The following ARL6IP6 variants were observed in gnomAD, a reference collection of about 807,000 sequenced individuals.
ARL6IP6 encodes the protein ADP-ribosylation factor-like protein 6-interacting protein 6.
Under a neutral mutation model 21.5 loss-of-function variants are expected in ARL6IP6, and 22 were observed. The observed-to-expected ratio is 1.02, with a 90% confidence interval of 0.73 to 1.46. The LOEUF is 1.46. Ranked by LOEUF, ARL6IP6 falls within the 40% of genes most tolerant of loss-of-function variation. ARL6IP6 has a pLI of 0.00. For missense variants in ARL6IP6, 388 were observed against 299.8 expected (o/e 1.29, Z -2.17); for synonymous variants, 164 against 125.3 (o/e 1.31, Z -2.06).
chr2:152,759,457 T>C (rs1701732003), intron 3 of ARL6IP6, among the ~76,000 whole-genome samples: 1 of 152,116 alleles, frequency 6.6e-6, no homozygotes, highest in Non-Finnish European at 1.5e-5. Flanking sequence ...CTACACACAG[T>C]GACAATGAAA....
intron 3 of ARL6IP6, among the ~76,000 whole-genome samples, chr2:152,757,143 G>T (rs981947215): frequency 6.6e-6 from 1 of 152,176 alleles, no homozygotes; most frequent in South Asian, 2.1e-4. Flanking sequence ...AATATTTATT[G>T]TATGATGCCA....
rs747930229 is a variant in ARL6IP6, at chr2:152,759,842, C to T, written c.*2C>T. The T allele has an allele frequency of 1.2e-6, 2 of 1,609,834 alleles. No homozygotes were observed. The highest frequency in any genetic ancestry group is 1.7e-5 in the Admixed American group (1 of 59,968). On this transcript the variant is annotated 3_prime_UTR_variant, in exon 4 of 4. Coordinates refer to ENST00000326446, the MANE Select transcript of ARL6IP6 (RefSeq NM_152522.7). ...ACTGTAGCATGGTGCCTCATGTAAA[C>T]CCACACTGGAGCGATATTGTTGGCA... is the stretch of plus-strand genomic sequence containing the variant.
At chr2:152,717,761 C>T (rs1699205049), upstream of ARL6IP6, 2 of 1,270,280 alleles carry the variant, frequency 1.6e-6, no homozygotes, top group Non-Finnish European at 2.0e-6. Context: ...CGCCTCACCC[C>T]GTAGGGGGTG....
intron 1 of ARL6IP6, 106 bp from the exon 2 acceptor site, chr2:152,720,427 T>C (rs1425700689): frequency 9.3e-7 from 1 of 1,079,802 alleles, no homozygotes; most frequent in East Asian, 2.4e-5. Context: ...CAGTTCTTTG[T>C]GACTCCAGAG....
intron 3 of ARL6IP6, among the ~76,000 whole-genome samples, chr2:152,755,345 C>T (rs1701533147): frequency 1.3e-5 from 2 of 152,076 alleles, no homozygotes; most frequent in Non-Finnish European, 2.9e-5. Context: ...CTGTACTCCT[C>T]CACCTCTTGT....
At chr2:152,754,763 TAGTG>T (rs1701500319) in intron 3 of ARL6IP6, among the ~76,000 whole-genome samples, 1 of 152,142 alleles carries the variant, frequency 6.6e-6, no homozygotes, top group East Asian at 1.9e-4. Context: ...ACCATCCAAG[TAGTG>T]AGTAAGATGT....
chr2:152,752,036 G>A (rs986081773), intron 3 of ARL6IP6, among the ~76,000 whole-genome samples: 1 of 152,114 alleles, frequency 6.6e-6, no homozygotes, highest in Admixed American at 6.6e-5. Context: ...TAGTCATTTT[G>A]CTTTATTGAT....
upstream of ARL6IP6, chr2:152,718,017 A>G (rs1353579940): frequency 1.0e-6 from 1 of 994,180 alleles, no homozygotes; most frequent in Non-Finnish European, 1.2e-6. Context: ...GCGCCTGGGG[A>G]AGGAGGCGTG....
At position 152,760,441 on chromosome 2, in the gene ARL6IP6, G is replaced by C. The variant is rs917151039; in HGVS notation, c.*601G>C. 3 of 151,200 alleles carry C rather than the reference G, an allele frequency of 2.0e-5. No homozygotes were observed. The highest frequency in any genetic ancestry group is 6.6e-5 in the Admixed American group (1 of 15,174). The allele number at this position is 151,200 out of a possible 1,614,324, so 9.4% of individuals were successfully genotyped here. Reference sequence around the variant, plus strand: ...TATTTTCATACTACATACTGAATTTGTATGTTTTTAAAATTGTTACATCTA... The same window carrying C: ...TATTTTCATACTACATACTGAATTTCTATGTTTTTAAAATTGTTACATCTA... On this transcript the variant is annotated 3_prime_UTR_variant, in exon 4 of 4. Transcript: ENST00000326446.
At chr2:152,719,363 G>T (rs984775990) in intron 1 of ARL6IP6, among the ~76,000 whole-genome samples, 6 of 152,180 alleles carry the variant, frequency 3.9e-5, no homozygotes, top group African/African-American at 1.4e-4. Flanking sequence ...ACAGTGAAAA[G>T]TGCATATAAT....
intron 3 of ARL6IP6, among the ~76,000 whole-genome samples, chr2:152,738,496 T>G (rs968507146): frequency 3.9e-5 from 6 of 152,346 alleles, no homozygotes; most frequent in Middle Eastern, 3.4e-3. Context: ...TCTAGGCGTT[T>G]CCATACATCC....
rs1039246228 is a variant in ARL6IP6 at position 152,760,563 on chromosome 2, C to T, written c.*723C>T. On this transcript the variant is annotated 3_prime_UTR_variant, in exon 4 of 4. Transcript: ENST00000326446. ...AAAAAAAGCAAAAAAGCACATTGACCTAAGTTGAAAATTAAGTAAGTTTAT... is the reference window on the plus strand; with the variant it reads ...AAAAAAAGCAAAAAAGCACATTGACTTAAGTTGAAAATTAAGTAAGTTTAT... 2 of 151,074 alleles carry T rather than the reference C, an allele frequency of 1.3e-5. No homozygotes were observed. The highest frequency in any genetic ancestry group is 3.0e-5 in the Non-Finnish European group (2 of 67,764). The allele number at this position is 151,074 out of a possible 1,614,324, so 9.4% of individuals were successfully genotyped here.
chr2:152,726,917 A>C (rs1331117694), intron 2 of ARL6IP6, among the ~76,000 whole-genome samples: 2 of 152,252 alleles, frequency 1.3e-5, no homozygotes, highest in Non-Finnish European at 2.9e-5. Context: ...TCATAAAAAA[A>C]AATACAGCAC....
At chr2:152,722,003 C>A (rs1218866644) in intron 2 of ARL6IP6, among the ~76,000 whole-genome samples, 1 of 152,182 alleles carries the variant, frequency 6.6e-6, no homozygotes, top group Non-Finnish European at 1.5e-5. Flanking sequence ...GATCTGTCAC[C>A]TCTTGATGCA....
chr2:152,740,094 A>T (rs1700739904), intron 3 of ARL6IP6, among the ~76,000 whole-genome samples: 1 of 151,962 alleles, frequency 6.6e-6, no homozygotes, highest in South Asian at 2.1e-4. Flanking sequence ...AGTAATTAGC[A>T]TTTTTTGTTT....
chr2:152,718,451 CCTT>C, upstream of ARL6IP6: 1 of 884,032 alleles, frequency 1.1e-6, no homozygotes, highest in Non-Finnish European at 1.6e-6. Context: ...TTCCGCCTCT[CCTT>C]TGGCCCTGCG....
rs1699521172 is a variant in ARL6IP6 at position 152,719,043 on chromosome 2, TGAAAGTCTGTCC to T, written c.400+20_400+31del. 1 of 1,515,458 alleles carries T rather than the reference TGAAAGTCTGTCC, an allele frequency of 6.6e-7. No individual in the cohort carries two copies. Among genetic ancestry groups the T allele is most frequent in the African/African-American group, 1.4e-5 (1 of 71,928 alleles). The allele number at this position is 1,515,458 out of a possible 1,614,324, so 93.9% of individuals were successfully genotyped here. A position where few individuals can be genotyped will look rare whatever the true frequency, so the allele number is the denominator to read the frequency against. On this transcript the variant is annotated intron_variant, in intron 1 of 3. Transcript: ENST00000326446. ...GTTAAAGGTATTGAAGCCGACGCCT[TGAAAGTCTGTCC>T]AGAGTAAAGTTGAGCCAGGGTGTGG...
intron 1 of ARL6IP6, chr2:152,719,771 AAAAC>A (rs1465465108): frequency 7.2e-4 from 225 of 314,248 alleles, no homozygotes; most frequent in Admixed American, 1.4e-3. Flanking sequence ...AAAAAAAAAA[AAAAC>A]AAAAGAACTT....
intron 2 of ARL6IP6, among the ~76,000 whole-genome samples, chr2:152,728,520 A>G (rs1204349239): frequency 6.6e-6 from 1 of 152,230 alleles, no homozygotes; most frequent in Non-Finnish European, 1.5e-5. Flanking sequence ...TATTTAGAGC[A>G]TATAACAGCC....
Sources: allele counts gnomAD v4.1 joint callset (sites outside exome capture counted in the v4.1 genomes callset), GRCh38; gene constraint gnomAD v4.1.1; transcripts MANE v1.5; gene names NCBI Gene and HGNC (gene_info 2026-07-23, HGNC 2026-07-21).